The following SETD3 variants were observed in gnomAD, a reference collection of about 807,000 sequenced individuals.
SETD3 encodes actin-histidine N-methyltransferase.
In SETD3, 19 loss-of-function variants were observed where a neutral mutation model predicts 63.0. The observed-to-expected ratio is 0.30, with a 90% CI of 0.21 to 0.44. SETD3 has a LOEUF of 0.44. Among genes scored for constraint, SETD3 ranks in the 20% least tolerant of loss-of-function variants. The probability of loss-of-function intolerance (pLI) is 1.00; values close to 1 mark genes in which losing one functional copy is unlikely to be tolerated. For synonymous variants in SETD3, 286 were observed against 264.1 expected, an observed-to-expected ratio of 1.08 and a Z score of -0.80; for missense variants, 587 against 728.5, an observed-to-expected ratio of 0.81 and a Z score of 2.24.
intron 1 of SETD3, among the ~76,000 whole-genome samples, chr14:99,475,063 T>C (rs369931428): frequency 6.6e-6 from 1 of 152,170 alleles, no homozygotes; most frequent in Admixed American, 6.5e-5. Context: ...CAAAAAATCA[T>C]TGGGTATCAT....
At chr14:99,463,107 T>C (rs899027716) in intron 3 of SETD3, among the ~76,000 whole-genome samples, 2 of 152,242 alleles carry the variant, frequency 1.3e-5, no homozygotes, top group African/African-American at 4.8e-5. Flanking sequence ...ATTATAAACC[T>C]TGCTAATGCA....
upstream of SETD3, among the ~76,000 whole-genome samples, chr14:99,482,061 G>T (rs1896348512): frequency 6.6e-6 from 1 of 152,192 alleles, no homozygotes; most frequent in Non-Finnish European, 1.5e-5. Flanking sequence ...GAGAGAAATT[G>T]TTCTTTAGAA....
At chr14:99,411,904 A>G (rs1892013031) in intron 8 of SETD3, 1 of 152,254 alleles carries the variant, frequency 6.6e-6, no homozygotes, top group Non-Finnish European at 1.5e-5. Context: ...TTAAGATTCA[A>G]GAACATACTT....
intron 8 of SETD3, chr14:99,412,706 T>A: frequency 2.4e-6 from 1 of 410,886 alleles, no homozygotes; most frequent in Non-Finnish European, 4.3e-6. Context: ...TGTAGTTCAC[T>A]GTGGCTTTTG....
chr14:99,470,347 C>G (rs760563080), intron 1 of SETD3, among the ~76,000 whole-genome samples: 1 of 152,212 alleles, frequency 6.6e-6, no homozygotes, highest in Non-Finnish European at 1.5e-5. Flanking sequence ...GGGATTCTGT[C>G]TTTTGGCAAC....
chr14:99,464,768 C>T (rs574241039), intron 2 of SETD3, among the ~76,000 whole-genome samples: 1 of 152,368 alleles, frequency 6.6e-6, no homozygotes, highest in South Asian at 2.1e-4. Flanking sequence ...CCAAATTACA[C>T]TAACTTGCTA....
intron 6 of SETD3, among the ~76,000 whole-genome samples, chr14:99,451,518 CAG>C (rs1894460721): frequency 6.6e-6 from 1 of 151,928 alleles, no homozygotes; most frequent in Non-Finnish European, 1.5e-5. Flanking sequence ...TTTTTTGAGA[CAG>C]GGTATCGCTC....
Position 99,398,789 on chromosome 14 carries a change from T to TA in SETD3, c.1674dup (p.Ile559TyrfsTer3). 1 of 1,614,240 alleles carries TA rather than the reference T, an allele frequency of 6.2e-7. No homozygotes were observed. Among genetic ancestry groups the TA allele is most frequent in the Admixed American group, 1.7e-5 (1 of 60,030 alleles). On this transcript the variant is annotated frameshift_variant, in exon 13 of 13. Transcript: ENST00000331768. LOFTEE classifies it low-confidence loss of function (END_TRUNC). Reference sequence around the variant, plus strand: ...TTTTCGGACCTGGTCCCATTAGGGATAGAGTTTTCACCGTTTACAAGCCCG... The same window carrying TA: ...TTTTCGGACCTGGTCCCATTAGGGATAAGAGTTTTCACCGTTTACAAGCCCG...
chr14:99,447,412 A>G (rs999346405), intron 6 of SETD3, among the ~76,000 whole-genome samples: 2 of 152,256 alleles, frequency 1.3e-5, no homozygotes, highest in Admixed American at 1.3e-4. Flanking sequence ...AGTTAAAAGC[A>G]CAGATCTTTT....
intron 6 of SETD3, among the ~76,000 whole-genome samples, chr14:99,436,787 A>C (rs1174916327): frequency 6.6e-6 from 1 of 152,246 alleles, no homozygotes; most frequent in East Asian, 1.9e-4. Context: ...GGCCCCACAC[A>C]GGAGCTGTAT....
Position 99,465,773 on chromosome 14 carries a change from T to C in SETD3, c.33A>G (p.Lys11=). Residue 11 remains lysine (K), a synonymous_variant, in exon 2 of 13, where the codon AAA becomes AAG. Transcript: ENST00000331768. MGKKSRVKTQ[K]SGTGATATVS... ...CAGTTGCTGTAGCACCAGTGCCAGATTTCTGAGTTTTTACTCGACTCTTCT... is the reference window on the plus strand; with the variant it reads ...CAGTTGCTGTAGCACCAGTGCCAGACTTCTGAGTTTTTACTCGACTCTTCT... The C allele has an allele frequency of 6.2e-7, 1 of 1,614,074 alleles. No individual in the cohort carries two copies. Among genetic ancestry groups the C allele is most frequent in the Non-Finnish European group, 8.5e-7 (1 of 1,179,952 alleles).
intron 11 of SETD3, among the ~76,000 whole-genome samples, chr14:99,403,453 ACACTCTCTCTCTCTCT>A (rs1172789530): frequency 2.8e-5 from 3 of 106,120 alleles, no homozygotes; most frequent in African/African-American, 1.1e-4. Flanking sequence ...ACACACACAC[ACACTCTCTCTCTCTCT>A]CTCTCTCTCT....
At chr14:99,461,112 A>C in intron 4 of SETD3, 80 bp downstream of exon 4, 1 of 1,504,130 alleles carries the variant, frequency 6.6e-7, no homozygotes, top group Non-Finnish European at 9.0e-7. Flanking sequence ...CCACACGTCT[A>C]CCTCTTCACC....
intron 11 of SETD3, among the ~76,000 whole-genome samples, chr14:99,401,947 C>CA (rs1374901042): frequency 6.6e-6 from 1 of 152,052 alleles, no homozygotes; most frequent in Non-Finnish European, 1.5e-5. Context: ...GGGAGTAAGA[C>CA]AATGTAGCAT....
intron 11 of SETD3, 103 bp downstream of exon 11, chr14:99,404,122 G>A (rs1319726274): frequency 1.2e-6 from 1 of 815,086 alleles, no homozygotes; most frequent in Non-Finnish European, 1.9e-6. Flanking sequence ...CAAAAGTACT[G>A]TAGTTTTAAT....
At chr14:99,428,181 T>C (rs1892987465) in intron 6 of SETD3, among the ~76,000 whole-genome samples, 1 of 152,208 alleles carries the variant, frequency 6.6e-6, no homozygotes, top group Admixed American at 6.5e-5. Flanking sequence ...ACCCATCTGG[T>C]CTGTTACTTC....
At chr14:99,464,122 T>C (rs927110300) in intron 2 of SETD3, among the ~76,000 whole-genome samples, 5 of 151,618 alleles carry the variant, frequency 3.3e-5, no homozygotes, top group East Asian at 3.9e-4. Flanking sequence ...TCTGGGGGAG[T>C]TGCAAAATGA....
intron 6 of SETD3, among the ~76,000 whole-genome samples, chr14:99,419,274 T>C (rs1892447073): frequency 6.6e-6 from 1 of 152,158 alleles, no homozygotes; most frequent in Non-Finnish European, 1.5e-5. Context: ...TATATATAAT[T>C]TTTCTATGAC....
chr14:99,429,480 G>A (rs1296747725), intron 6 of SETD3, among the ~76,000 whole-genome samples: 1 of 152,128 alleles, frequency 6.6e-6, no homozygotes, highest in Admixed American at 6.5e-5. Flanking sequence ...AGAGCACCCC[G>A]ATTCTCTTAA....
Sources: allele counts gnomAD v4.1 joint callset (sites outside exome capture counted in the v4.1 genomes callset), GRCh38; gene constraint gnomAD v4.1.1; transcripts MANE v1.5; gene names NCBI Gene and HGNC (gene_info 2026-07-23, HGNC 2026-07-21).